The following ERC1 variants were observed in gnomAD, a reference collection of about 807,000 sequenced individuals.
ERC1 encodes ELKS/RAB6-interacting/CAST family member 1.
Under a neutral mutation model 132.0 loss-of-function variants are expected in ERC1, and 56 were observed. The observed-to-expected ratio is 0.42, with a 90% CI of 0.34 to 0.53. ERC1 has a LOEUF of 0.53. Ranked by LOEUF, ERC1 falls within the 20% of genes least tolerant of loss-of-function variation. ERC1 has a pLI of 0.03. For missense variants in ERC1, 1,202 were observed against 1,349.9 expected (o/e 0.89, Z 1.72); for synonymous variants, 478 against 476.1 (o/e 1.00, Z -0.05).
At chr12:1,234,522 A>G (rs1213789155) in intron 12 of ERC1, among the ~76,000 whole-genome samples, 1 of 152,254 alleles carries the variant, frequency 6.6e-6, no homozygotes. Context: ...TGTGATTGGA[A>G]TCAAAATCCC....
At chr12:1,324,289 G>A (rs2082307531) in intron 15 of ERC1, among the ~76,000 whole-genome samples, 1 of 152,160 alleles carries the variant, frequency 6.6e-6, no homozygotes, top group Non-Finnish European at 1.5e-5. Flanking sequence ...CTGATGAGGT[G>A]ATAATGAACT....
At chr12:1,410,649 T>G (rs2091787224) in intron 17 of ERC1, among the ~76,000 whole-genome samples, 2 of 151,524 alleles carry the variant, frequency 1.3e-5, no homozygotes, top group Admixed American at 1.3e-4. Flanking sequence ...TGTGGCTTTT[T>G]TTTTTTTTTC....
intron 18 of ERC1, among the ~76,000 whole-genome samples, chr12:1,470,954 G>T (rs979168948): frequency 6.6e-6 from 1 of 152,196 alleles, no homozygotes; most frequent in Non-Finnish European, 1.5e-5. Flanking sequence ...TACAAGAGAT[G>T]GTCCCCTGTT....
At chr12:1,127,978 G>A (rs996388250) in intron 7 of ERC1, among the ~76,000 whole-genome samples, 8 of 152,132 alleles carry the variant, frequency 5.3e-5, no homozygotes, top group African/African-American at 1.9e-4. Flanking sequence ...AGTATTAATG[G>A]CAATATGAGA....
intron 12 of ERC1, among the ~76,000 whole-genome samples, chr12:1,228,820 C>T (rs1018507134): frequency 6.6e-5 from 10 of 152,180 alleles, no homozygotes; most frequent in African/African-American, 1.4e-4. Context: ...TGGTGTATGA[C>T]GTTTATTAAT....
At chr12:1,267,733 G>C (rs2077567385) in intron 14 of ERC1, among the ~76,000 whole-genome samples, 1 of 152,210 alleles carries the variant, frequency 6.6e-6, no homozygotes, top group Non-Finnish European at 1.5e-5. Flanking sequence ...CTGCATCCCA[G>C]TCTGGGCAAC....
At chr12:1,397,251 G>A (rs2090620284) in intron 16 of ERC1, among the ~76,000 whole-genome samples, 1 of 152,200 alleles carries the variant, frequency 6.6e-6, no homozygotes, top group African/African-American at 2.4e-5. Context: ...TTGGCAATAT[G>A]TAGTAACATT....
rs1954364809 is a variant in ERC1 at position 1,180,795 on chromosome 12, A to G, written c.1875+118A>G. 4.1e-6 allele frequency: 5 copies of G among 1,230,042 alleles called. No individual in the cohort carries two copies. The South Asian group carries it at 4.1e-5, about 10-fold the overall frequency. 76.2% of individuals were successfully genotyped at this position (1,230,042 alleles called of 1,614,324 possible). A position where few individuals can be genotyped will look rare whatever the true frequency, so the allele number is the denominator to read the frequency against. On this transcript the variant is annotated intron_variant, in intron 9 of 18. Transcript: ENST00000360905. Reference sequence around the variant, plus strand: ...CAAGGGAAAAGAGCTGCTGTGTGCTATTGCTGACATACGTAGTGTGAAGGG... The same window carrying G: ...CAAGGGAAAAGAGCTGCTGTGTGCTGTTGCTGACATACGTAGTGTGAAGGG...
intron 7 of ERC1, among the ~76,000 whole-genome samples, chr12:1,127,147 C>G (rs1005056711): frequency 6.6e-6 from 1 of 151,956 alleles, no homozygotes; most frequent in Non-Finnish European, 1.5e-5. Context: ...ATGCAAATTT[C>G]AAAGATGATG....
chr12:1,286,742 A>G (rs1423130507), intron 14 of ERC1, among the ~76,000 whole-genome samples: 1 of 152,222 alleles, frequency 6.6e-6, no homozygotes, highest in Non-Finnish European at 1.5e-5. Flanking sequence ...CGTAATCTGC[A>G]CTGAACAGAA....
chr12:1,041,747 G>A (rs1970248604), intron 2 of ERC1, among the ~76,000 whole-genome samples: 1 of 152,236 alleles, frequency 6.6e-6, no homozygotes, highest in South Asian at 2.1e-4. Context: ...GTAACAGTGA[G>A]CAATGGGAAA....
In ERC1 at chr12:1,418,290, C is replaced by T. The variant is rs571555227; in HGVS notation, c.3024+10043C>T. On this transcript the variant is annotated intron_variant, in intron 17 of 18. Coordinates refer to ENST00000360905, the MANE Select transcript of ERC1 (RefSeq NM_178040.4). ...AGCAGGAAGGTCTCTCTGACCTTCT[C>T]CTCACCCTTCTTGCCTGAAGCAAGC... is the stretch of plus-strand genomic sequence containing the variant. Among the ~76,000 whole-genome samples the T allele has an allele frequency of 3.3e-5, 5 of 152,228 alleles. No homozygotes were observed. In the South Asian group the frequency reaches 6.2e-4, roughly 19 times the overall value.
intron 8 of ERC1, among the ~76,000 whole-genome samples, chr12:1,165,624 C>T (rs1048091829): frequency 4.6e-5 from 7 of 152,216 alleles, no homozygotes; most frequent in East Asian, 3.9e-4. Context: ...TGAGCCACCG[C>T]GCCTGGCGAG....
rs144041838 is a variant in ERC1, at chr12:1,485,201, C to T, written c.3214-4892C>T. Among the ~76,000 whole-genome samples the T allele has an allele frequency of 4.0e-3, 385 of 96,294 alleles. 4 individuals carry two copies. The highest frequency in any genetic ancestry group is 0.014 in the African/African-American group (312 of 22,954). The allele number at this position is 96,294 out of a possible 152,430, so 63.2% of individuals were successfully genotyped here. On this transcript the variant is annotated intron_variant, in intron 18 of 18. Coordinates refer to ENST00000360905, the MANE Select transcript of ERC1 (RefSeq NM_178040.4). ...CCCAAACCTGGTCAAGTTTATATTT[C>T]TTTTTTTTTTTTTTTTTTTTTGAGA...
intron 2 of ERC1, among the ~76,000 whole-genome samples, chr12:1,033,916 C>T (rs1968569770): frequency 6.6e-6 from 1 of 152,224 alleles, no homozygotes; most frequent in South Asian, 2.1e-4. Flanking sequence ...AGGCATGAGT[C>T]ACCATGCCCA....
chr12:1,011,572 A>C (rs1004736957), intron 1 of ERC1, among the ~76,000 whole-genome samples: 1 of 152,180 alleles, frequency 6.6e-6, no homozygotes, highest in Non-Finnish European at 1.5e-5. Flanking sequence ...TTAGGAAAAA[A>C]CTAGGTTTCA....
rs565561337 is a variant in ERC1 at position 1,364,413 on chromosome 12, C to T, written c.2781-7420C>T. On this transcript the variant is annotated intron_variant, in intron 15 of 18. Coordinates refer to ENST00000360905, the MANE Select transcript of ERC1 (RefSeq NM_178040.4). The stretch of plus-strand genomic sequence containing the variant: ...CTTCTCATTCAGCATTTTTGTGTAC[C>T]CTCTGCCTGCTGGGTTCTGGTTAAA... Among the ~76,000 whole-genome samples the T allele has an allele frequency of 3.3e-5, 5 of 152,148 alleles. 1 individual carries two copies. The South Asian group carries it at 1.0e-3, about 32-fold the overall frequency.
intron 16 of ERC1, among the ~76,000 whole-genome samples, chr12:1,400,975 G>A (rs184864610): frequency 2.7e-4 from 29 of 107,866 alleles, no homozygotes; most frequent in Admixed American, 5.9e-4. Flanking sequence ...TTGCTCTATC[G>A]CCCAGGCTGG....
chr12:1,199,156 T>C (rs113211860), intron 12 of ERC1, among the ~76,000 whole-genome samples: 5,055 of 79,956 alleles, frequency 0.063, no homozygotes, highest in African/African-American at 0.11. Context: ...ACCGTCATGA[T>C]CCAGTCACTT....
Sources: gnomAD v4.1 joint callset for allele counts (sites outside exome capture counted in the v4.1 genomes callset) on GRCh38, gnomAD v4.1.1 for gene constraint, MANE v1.5 for transcripts, NCBI Gene and HGNC (gene_info 2026-07-23, HGNC 2026-07-21) for gene names.